Variants in RGS22 observed in about 807,000 individuals in gnomAD.
RGS22 encodes the protein regulator of G-protein signaling 22.
RGS22 carries 148 observed loss-of-function variants against 172.9 expected under a neutral mutation model. The observed-to-expected ratio is 0.86, with a 90% confidence interval of 0.75 to 0.98. RGS22 has a LOEUF of 0.98. Ranked by LOEUF, RGS22 falls within the 50% of genes least tolerant of loss-of-function variation. RGS22 has a pLI of 0.00. For missense variants in RGS22, 1,347 were observed against 1,440.8 expected, an observed-to-expected ratio of 0.93 and a Z score of 1.05; for synonymous variants, 458 against 480.2, an observed-to-expected ratio of 0.95 and a Z score of 0.60.
At chr8:100,070,832 C>A (rs111537294) in intron 6 of RGS22, among the ~76,000 whole-genome samples, 123 of 148,640 alleles carry the variant, frequency 8.3e-4, no homozygotes, top group African/African-American at 2.9e-3. Flanking sequence ...TGGTAGCTTA[C>A]GCCTGTAATC....
Position 100,006,128 on chromosome 8 carries a change from G to A in RGS22, c.2362-19C>T, listed in dbSNP as rs1021126823. On this transcript the variant is annotated intron_variant, in intron 15 of 27. Coordinates refer to ENST00000360863, the MANE Select transcript of RGS22 (RefSeq NM_015668.5). The stretch of plus-strand genomic sequence containing the variant: ...GCTCCACCTAAAAAAAATAAATAAA[G>A]CTTGTGACATCAAGAGAATGTACAA... The A allele has an allele frequency of 6.3e-7, 1 of 1,587,450 alleles. No individual in the cohort carries two copies. The highest frequency in any genetic ancestry group is 1.7e-5 in the Admixed American group (1 of 59,060).
chr8:99,999,158 T>TAAAAA, intron 19 of RGS22, 104 bp downstream of exon 19: 4 of 877,262 alleles, frequency 4.6e-6, no homozygotes, highest in South Asian at 2.0e-5. Flanking sequence ...GCCCATTCCT[T>TAAAAA]AAAAAAAAAA....
At chr8:99,979,434 C>T (rs1812316108) in intron 22 of RGS22, among the ~76,000 whole-genome samples, 1 of 152,124 alleles carries the variant, frequency 6.6e-6, no homozygotes, top group African/African-American at 2.4e-5. Context: ...TACCCTGTAC[C>T]TCTCTAATCT....
intron 10 of RGS22, among the ~76,000 whole-genome samples, chr8:100,047,884 A>G (rs1239205644): frequency 6.6e-6 from 1 of 152,154 alleles, no homozygotes; most frequent in African/African-American, 2.4e-5. Flanking sequence ...AGAACATTGT[A>G]AAAACGATTC....
chr8:100,009,796 T>C (rs547117824), intron 14 of RGS22, among the ~76,000 whole-genome samples: 1 of 152,226 alleles, frequency 6.6e-6, no homozygotes, highest in African/African-American at 2.4e-5. Context: ...ACTTAAAGGG[T>C]CCATGTTAAC....
chr8:99,980,624 T>C (rs1812449651), intron 22 of RGS22, among the ~76,000 whole-genome samples: 1 of 152,184 alleles, frequency 6.6e-6, no homozygotes, highest in Admixed American at 6.5e-5. Flanking sequence ...AGATTATTTA[T>C]TTTCAGATGC....
intron 3 of RGS22, among the ~76,000 whole-genome samples, chr8:100,090,356 C>A (rs899658622): frequency 3.0e-4 from 45 of 151,930 alleles, no homozygotes; most frequent in African/African-American, 8.5e-4. Flanking sequence ...TAAGTGTGGT[C>A]AAGATGGATT....
intron 3 of RGS22, among the ~76,000 whole-genome samples, chr8:100,081,068 A>C (rs1166079585): frequency 6.6e-6 from 1 of 152,178 alleles, no homozygotes; most frequent in East Asian, 1.9e-4. Context: ...TGAATTGGCC[A>C]TGTCTTTTCC....
intron 18 of RGS22, 40 bp from the exon 19 acceptor site, chr8:99,999,460 C>CT: frequency 6.3e-7 from 1 of 1,597,042 alleles, no homozygotes; most frequent in Non-Finnish European, 8.5e-7. Context: ...ATTGTGCTTT[C>CT]TAAAAGAAAC....
rs150642349 is a variant in RGS22 at position 99,983,968 on chromosome 8, C to G, written c.3181-1852G>C. ...ATTGTGACAATTAGCACTTCATACT[C>G]AATTTAGCATCACCTTAGAATAAAG... On this transcript the variant is annotated intron_variant, in intron 21 of 27. Coordinates refer to ENST00000360863, the MANE Select transcript of RGS22 (RefSeq NM_015668.5). Among the ~76,000 whole-genome samples, 35 of 152,272 alleles carry G rather than the reference C, an allele frequency of 2.3e-4. No homozygotes were observed. In the East Asian group the frequency reaches 5.4e-3, roughly 24 times the overall value.
chr8:100,006,030 G>C lies in RGS22; in HGVS notation c.2441C>G (p.Ser814Cys), dbSNP rs371378021. The change falls in exon 16 of 28, where the codon TCC (serine) becomes TGC (cysteine). Residue 814 changes from serine to cysteine, a missense_variant. Ser to Cys is a moderately radical substitution (Grantham distance 112). Coordinates refer to ENST00000360863, the MANE Select transcript of RGS22 (RefSeq NM_015668.5). ...KLQALHKETF[S>C]KKAEDTTCEI... ...AAGTTGCCTTACCTCAGCTTTCTTGGAAAATGTCTCTTTATGCAAAGCCTG... is the reference window on the plus strand; with the variant it reads ...AAGTTGCCTTACCTCAGCTTTCTTGCAAAATGTCTCTTTATGCAAAGCCTG... 1 of 1,612,674 alleles carries C rather than the reference G, an allele frequency of 6.2e-7. No individual in the cohort carries two copies. Among genetic ancestry groups the C allele is most frequent in the African/African-American group, 1.3e-5 (1 of 74,948 alleles).
At chr8:100,039,810 TTAAA>T in intron 13 of RGS22, 148 bp downstream of exon 13, 1 of 438,290 alleles carries the variant, frequency 2.3e-6, no homozygotes, top group East Asian at 4.3e-5. Flanking sequence ...ATTGAGATGC[TTAAA>T]TATTTACTAA....
intron 19 of RGS22, among the ~76,000 whole-genome samples, chr8:99,998,448 A>G (rs1253444833): frequency 1.3e-5 from 2 of 152,112 alleles, no homozygotes; most frequent in Admixed American, 6.5e-5. Context: ...GAACTTTCCT[A>G]TAGTCCTAGC....
rs755971463 is a variant in RGS22 at position 100,080,261 on chromosome 8, A to T, written c.212T>A (p.Ile71Asn). 2.7e-5 allele frequency: 43 copies of T among 1,613,684 alleles called. No homozygotes were observed. Among genetic ancestry groups the T allele is most frequent in the Non-Finnish European group, 3.5e-5 (41 of 1,179,840 alleles). Residue 71 changes from isoleucine (I) to asparagine (N), a missense_variant, in exon 4 of 28, where the codon ATT (isoleucine) becomes AAT (asparagine). Physicochemically the swap from Ile to Asn is moderately radical, Grantham distance 149 (BLOSUM62 -3). Coordinates refer to ENST00000360863, the MANE Select transcript of RGS22 (RefSeq NM_015668.5). ...ATTTCGAGGTTGCTGGTTTTGTAGA[A>T]TTTTTTTCAGTTGTTTTTCCAGAAA... ...PQFLEKQLKK[I>N]LQNQQPRNPI... is the part of the protein sequence containing the mutation.
chr8:100,090,710 A>C (rs1812512207), intron 3 of RGS22, among the ~76,000 whole-genome samples: 1 of 152,162 alleles, frequency 6.6e-6, no homozygotes, highest in Admixed American at 6.5e-5. Flanking sequence ...TGATACAGGT[A>C]TCTCAGAGAA....
chr8:100,018,302 G>A (rs1205017223), intron 14 of RGS22, among the ~76,000 whole-genome samples: 2 of 151,604 alleles, frequency 1.3e-5, no homozygotes, highest in Admixed American at 6.6e-5. Context: ...TAACTGAACT[G>A]TCAATATTAC....
At chr8:100,067,749 C>T (rs374904890) in intron 6 of RGS22, among the ~76,000 whole-genome samples, 2 of 151,420 alleles carry the variant, frequency 1.3e-5, no homozygotes, top group Admixed American at 6.6e-5. Context: ...CTCAGCCTCC[C>T]GAGTAGCTGG....
At chr8:99,982,581 T>C (rs1442295928) in intron 21 of RGS22, among the ~76,000 whole-genome samples, 3 of 152,148 alleles carry the variant, frequency 2.0e-5, no homozygotes, top group Non-Finnish European at 2.9e-5. Flanking sequence ...TAGGAGAACA[T>C]TGAGAATAGG....
rs72676277 is a variant in RGS22, at chr8:99,978,278, T to A, written c.3361-203A>T. Among the ~76,000 whole-genome samples the A allele has an allele frequency of 0.029, 4,365 of 151,554 alleles. 93 individuals carry two copies. Among genetic ancestry groups the A allele is most frequent in the Non-Finnish European group, 0.044 (2,968 of 67,812 alleles). Reference sequence around the variant, plus strand: ...TATTACCAATGAGAAGTCTTTCTTTTAAAAAAAAATACATTAAATACACTT... The same window carrying A: ...TATTACCAATGAGAAGTCTTTCTTTAAAAAAAAAATACATTAAATACACTT... On this transcript the variant is annotated intron_variant, in intron 22 of 27. Coordinates refer to ENST00000360863, the MANE Select transcript of RGS22 (RefSeq NM_015668.5).
Sources: allele counts gnomAD v4.1 joint callset (sites outside exome capture counted in the v4.1 genomes callset), GRCh38; gene constraint gnomAD v4.1.1; transcripts MANE v1.5; gene names NCBI Gene and HGNC (gene_info 2026-07-23, HGNC 2026-07-21).